ITIH3: variants seen among roughly 807,000 people sequenced by gnomAD.
ITIH3 encodes the protein inter-alpha-trypsin inhibitor heavy chain H3.
Under a neutral mutation model 96.5 loss-of-function variants are expected in ITIH3, and 81 were observed. That is an observed-to-expected ratio of 0.84 (90% CI 0.70 to 1.01). The LOEUF (loss-of-function observed/expected upper bound fraction) is 1.01, where lower values mean the gene tolerates loss of function less well. Among genes scored for constraint, ITIH3 ranks in the 50% least tolerant of loss-of-function variants. The pLI, the probability that ITIH3 is intolerant of heterozygous loss-of-function variation, is 0.00. For synonymous variants in ITIH3, 422 were observed against 445.2 expected, an observed-to-expected ratio of 0.95 and a Z score of 0.66; for missense variants, 1,057 against 1,139.3, an observed-to-expected ratio of 0.93 and a Z score of 1.04.
Position 52,807,857 on chromosome 3 carries a change from T to C in ITIH3, c.2372T>C (p.Phe791Ser). ...AAGAAACATCCTGTCCACCGTGACT[T>C]TCTAGGCTTCTACGTGGTGGACAGT... ...VWKKHPVHRD[F>S]LGFYVVDSHR... Residue 791 changes from phenylalanine to serine, a missense_variant, in exon 20 of 22, where the codon TTT (phenylalanine) becomes TCT (serine). By Grantham distance (155) the Phe-to-Ser change is radical. Transcript: ENST00000449956. The C allele has an allele frequency of 6.2e-7, 1 of 1,612,022 alleles. No homozygotes were observed.
At chr3:52,795,658 G>C in intron 2 of ITIH3, 35 bp downstream of exon 2, 2 of 1,605,772 alleles carry the variant, frequency 1.2e-6, no homozygotes, top group Non-Finnish European at 1.7e-6. Flanking sequence ...GACCGAGTGG[G>C]GCAGGGCAGG....
chr3:52,807,016 G>A lies in ITIH3; in HGVS notation c.2172G>A (p.Val724=), dbSNP rs759055072. ...CCAATGCTCAGATGGACTTCCAGGT[G>A]GAGGTGACAACGGAGAAGATCACCC... ...GIANAQMDFQ[V]EVTTEKITLW... Residue 724 remains valine (V), a synonymous_variant, in exon 19 of 22, where the codon GTG becomes GTA. Transcript: ENST00000449956. 33 of 1,601,476 alleles carry A rather than the reference G, an allele frequency of 2.1e-5. No homozygotes were observed. The highest frequency in any genetic ancestry group is 2.5e-5 in the Non-Finnish European group (29 of 1,174,216).
Position 52,802,430 on chromosome 3 carries a change from C to T in ITIH3, c.1480C>T (p.His494Tyr). The T allele has an allele frequency of 6.2e-7, 1 of 1,613,994 alleles. No homozygotes were observed. The highest frequency in any genetic ancestry group is 2.2e-5 in the East Asian group (1 of 44,878). The change falls in exon 12 of 22, where the codon CAC becomes TAC. Residue 494 changes from histidine (H) to tyrosine (Y), a missense_variant. By Grantham distance (83) the His-to-Tyr change is moderately conservative. Coordinates refer to ENST00000449956, the MANE Select transcript of ITIH3 (RefSeq NM_002217.4). ...ILDLTQNTYQ[H>Y]FYDGSEIVVA... ...GGACCTCACCCAGAACACTTACCAG[C>T]ACTTCTACGATGGCTCTGAGATCGT... is the stretch of plus-strand genomic sequence containing the variant.
Position 52,806,901 on chromosome 3 carries a change from G to T in ITIH3, c.2057G>T (p.Gly686Val). The change falls in exon 19 of 22, where the codon GGC becomes GTC. Residue 686 changes from glycine to valine, a missense_variant and splice_region_variant. By Grantham distance (109) the Gly-to-Val change is moderately radical (BLOSUM62 -3). Transcript: ENST00000449956. ...TCTCCCTGCCCCATCCCTCTGGCAG[G>T]CCTCACAGTTAATGGGCAGATCACT... ...VLRLIQDAVTGLTVNGQITGD... is the reference protein window; with the variant it reads ...VLRLIQDAVTVLTVNGQITGD... 6.3e-7 allele frequency: 1 copy of T among 1,578,768 alleles called. No individual in the cohort carries two copies. The highest frequency in any genetic ancestry group is 1.3e-5 in the African/African-American group (1 of 74,122).
rs776859724 is a variant in ITIH3, at chr3:52,797,155, C to T, written c.437C>T (p.Ala146Val). 7 of 1,609,724 alleles carry T rather than the reference C, an allele frequency of 4.3e-6. No homozygotes were observed. In the Admixed American group the frequency reaches 1.2e-4, roughly 27 times the overall value. Residue 146 changes from alanine (A) to valine (V), a missense_variant, in exon 5 of 22, where the codon GCA becomes GTA. Ala to Val is a moderately conservative substitution (Grantham distance 64). Coordinates refer to ENST00000449956, the MANE Select transcript of ITIH3 (RefSeq NM_002217.4). ...TTCACAGTCTCGGTCAACGTGGCTG[C>T]AGGCAGCAAAGTCACCTTCGAGCTA... ...EKFTVSVNVA[A>V]GSKVTFELTY...
chr3:52,806,428 C>A, intron 18 of ITIH3, 22 bp downstream of exon 18: 1 of 1,586,790 alleles, frequency 6.3e-7, no homozygotes, highest in Non-Finnish European at 8.6e-7. Context: ...GGGCTAGGGC[C>A]GGGGCCAGGG....
At chr3:52,807,390 T>A (rs1468511512) in intron 19 of ITIH3, among the ~76,000 whole-genome samples, 2 of 151,980 alleles carry the variant, frequency 1.3e-5, no homozygotes, top group East Asian at 1.9e-4. Context: ...GCTGCTCTTG[T>A]CTTCTTAGCT....
In ITIH3 at chr3:52,803,920, A is replaced by G; in HGVS notation, c.1775A>G (p.Tyr592Cys). 6.2e-7 allele frequency: 1 copy of G among 1,613,964 alleles called. No individual in the cohort carries two copies. The change falls in exon 14 of 22, where the codon TAT (tyrosine) becomes TGT (cysteine). Residue 592 changes from tyrosine to cysteine, a missense_variant. Coordinates refer to ENST00000449956, the MANE Select transcript of ITIH3 (RefSeq NM_002217.4). Reference protein sequence around the residue: ...TARALDLSLKYHFVTPLTSMV... With the variant: ...TARALDLSLKCHFVTPLTSMV... ...CGGGCCCTGGACCTGTCCCTCAAGT[A>G]TCACTTTGTGACTCCACTGACCTCA...
Position 52,802,400 on chromosome 3 carries a change from A to C in ITIH3, c.1450A>C (p.Ile484Leu). The C allele has an allele frequency of 6.2e-7, 1 of 1,613,922 alleles. No homozygotes were observed. Among genetic ancestry groups the C allele is most frequent in the Non-Finnish European group, 8.5e-7 (1 of 1,179,876 alleles). Residue 484 changes from isoleucine to leucine, a missense_variant, in exon 12 of 22, where the codon ATC becomes CTC. Coordinates refer to ENST00000449956, the MANE Select transcript of ITIH3 (RefSeq NM_002217.4). ...GVEMEYPENAILDLTQNTYQH... is the reference protein window; with the variant it reads ...GVEMEYPENALLDLTQNTYQH... ...GGAGATGGAGTACCCCGAGAACGCT[A>C]TCCTGGACCTCACCCAGAACACTTA...
rs1559472511 is a variant in ITIH3 at position 52,802,672 on chromosome 3, CA to C, written c.1577del (p.Asn526ThrfsTer3). ...KADVKGHGAT[N>X]DLTFTEEVDM... ...TCCTTCTACCCCCACCCTAGGCCAC[CA>C]ACGACCTGACCTTCACAGAGGAGGT... On this transcript the variant is annotated frameshift_variant, in exon 13 of 22. Coordinates refer to ENST00000449956, the MANE Select transcript of ITIH3 (RefSeq NM_002217.4). LOFTEE classifies it high-confidence loss of function. 1.9e-6 allele frequency: 3 copies of C among 1,613,892 alleles called. No homozygotes were observed. In the South Asian group the frequency reaches 3.3e-5, roughly 18 times the overall value.
intron 9 of ITIH3, 59 bp downstream of exon 9, chr3:52,799,980 A>G: frequency 6.5e-7 from 1 of 1,532,076 alleles, no homozygotes; most frequent in Non-Finnish European, 8.9e-7. Context: ...GTCCCTGAGC[A>G]GCCTGCAACC....
chr3:52,803,382 G>A (rs1230363410), intron 13 of ITIH3, among the ~76,000 whole-genome samples: 1 of 149,600 alleles, frequency 6.7e-6, no homozygotes, highest in African/African-American at 2.5e-5. Context: ...GCAGTGGCGG[G>A]ATCTCGGCTC....
chr3:52,802,251 G>A, intron 11 of ITIH3, 83 bp from the exon 12 acceptor site: 1 of 1,453,460 alleles, frequency 6.9e-7, no homozygotes, highest in Non-Finnish European at 9.4e-7. Context: ...GACGGGCCCA[G>A]CCCTGGGGCA....
intron 13 of ITIH3, among the ~76,000 whole-genome samples, 167 bp downstream of exon 13, chr3:52,802,973 G>A (rs1699894420): frequency 6.6e-6 from 1 of 152,232 alleles, no homozygotes; most frequent in African/African-American, 2.4e-5. Flanking sequence ...CATCCTGTCA[G>A]CCCCAAGGCT....
At chr3:52,808,288 A>G (rs1578764738) in intron 21 of ITIH3, 67 bp downstream of exon 21, 2 of 1,343,832 alleles carry the variant, frequency 1.5e-6, no homozygotes, top group South Asian at 1.2e-5. Context: ...CCTGCAGCCC[A>G]GGCACATTAG....
rs1424836244 is a variant in ITIH3, at chr3:52,797,825, A to G, written c.558A>G (p.Val186=). The stretch of plus-strand genomic sequence containing the variant: ...TACTTTGGCCATTTCAGATCGAGGT[A>G]GACATCTTCGAGCCTCAGGGAATCA... The part of the protein sequence containing the change: ...KQLVKHFEIE[V]DIFEPQGISM... The change falls in exon 6 of 22, where the codon GTA becomes GTG. Residue 186 remains valine, a synonymous_variant. Transcript: ENST00000449956. 12 of 1,602,134 alleles carry G rather than the reference A, an allele frequency of 7.5e-6. No individual in the cohort carries two copies. Among genetic ancestry groups the G allele is most frequent in the African/African-American group, 1.3e-5 (1 of 74,754 alleles).
Position 52,796,510 on chromosome 3 carries a change from C to T in ITIH3, c.144C>T (p.Thr48=), listed in dbSNP as rs1379188561. The change falls in exon 3 of 22, where the codon ACC becomes ACT. Residue 48 remains threonine, a synonymous_variant. Transcript: ENST00000449956. ...GVANGIEVYS[T]KINSKVTSRF... ...CCAATGGCATCGAGGTCTACAGTAC[C>T]AAAATCAACTCCAAGGTGACCTCCC... The T allele has an allele frequency of 1.2e-6, 2 of 1,613,064 alleles. No homozygotes were observed. Among genetic ancestry groups the T allele is most frequent in the Admixed American group, 1.7e-5 (1 of 59,982 alleles).
intron 11 of ITIH3, among the ~76,000 whole-genome samples, chr3:52,801,790 T>A (rs897799757): frequency 6.6e-6 from 1 of 152,202 alleles, no homozygotes; most frequent in African/African-American, 2.4e-5. Flanking sequence ...ATTCAACCCA[T>A]AACAGACATA....
At chr3:52,798,149 T>C (rs750728076) in intron 6 of ITIH3, among the ~76,000 whole-genome samples, 6 of 152,114 alleles carry the variant, frequency 3.9e-5, no homozygotes, top group Non-Finnish European at 8.8e-5. Context: ...AGAGGAGCCA[T>C]TTACAAAGCC....
Sources: allele counts gnomAD v4.1 joint callset (sites outside exome capture counted in the v4.1 genomes callset), GRCh38; gene constraint gnomAD v4.1.1; transcripts MANE v1.5; gene names NCBI Gene and HGNC (gene_info 2026-07-23, HGNC 2026-07-21).